The following NECTIN1 variants were observed in gnomAD, a reference collection of about 807,000 sequenced individuals.
NECTIN1 encodes the protein nectin-1.
Under a neutral mutation model 48.0 loss-of-function variants are expected in NECTIN1, and 23 were observed. That is an observed-to-expected ratio of 0.48 (90% CI 0.34 to 0.68). The LOEUF (loss-of-function observed/expected upper bound fraction) is 0.68, where lower values mean the gene tolerates loss of function less well. NECTIN1 is among the 30% of genes least tolerant of loss of function. NECTIN1 has a pLI of 0.01. For missense variants in NECTIN1, 591 were observed against 709.9 expected, an observed-to-expected ratio of 0.83 and a Z score of 1.90; for synonymous variants, 270 against 288.9, an observed-to-expected ratio of 0.93 and a Z score of 0.66.
At chr11:119,648,732 TC>T (rs1245192025) in intron 5 of NECTIN1, among the ~76,000 whole-genome samples, 1 of 151,382 alleles carries the variant, frequency 6.6e-6, no homozygotes, top group Non-Finnish European at 1.5e-5. Flanking sequence ...GTGTCTGGGG[TC>T]TTTGTCAGGT....
rs1864884638 is a variant in NECTIN1 at position 119,672,982 on chromosome 11, CT to C, written c.1003+2176del. ...CCTGCCCCAGTCACTCCTCATTTCC[CT>C]TTCCAGATGTGCCCAGGGTAAAGTT... On this transcript the variant is annotated intron_variant, in intron 5 of 5. Coordinates refer to ENST00000264025, the MANE Select transcript of NECTIN1 (RefSeq NM_002855.5). The surrounding 1 kb of genome is among the most constrained non-coding windows in gnomAD (Gnocchi z 4.3). 6.6e-6 allele frequency among the ~76,000 whole-genome samples: 1 copy of C among 152,234 alleles called. No individual in the cohort carries two copies. The highest frequency in any genetic ancestry group is 1.5e-5 in the Non-Finnish European group (1 of 68,042).
At chr11:119,655,054 C>T (rs756519823) in intron 5 of NECTIN1, among the ~76,000 whole-genome samples, 7 of 151,806 alleles carry the variant, frequency 4.6e-5, no homozygotes, top group African/African-American at 1.7e-4. Context: ...GGATTACAGG[C>T]ACCCACCACC....
intron 1 of NECTIN1, among the ~76,000 whole-genome samples, chr11:119,691,483 G>A (rs1338697494): frequency 1.3e-5 from 2 of 152,250 alleles, no homozygotes; most frequent in East Asian, 3.8e-4. Flanking sequence ...TGCTCTGCGG[G>A]TGGTCTGCCT....
intron 5 of NECTIN1, among the ~76,000 whole-genome samples, chr11:119,650,256 G>A (rs961806265): frequency 6.6e-6 from 1 of 152,178 alleles, no homozygotes; most frequent in African/African-American, 2.4e-5. Context: ...ATGTGTACGT[G>A]CAGGTCACAG....
chr11:119,717,065 A>T (rs1865754844), intron 1 of NECTIN1, among the ~76,000 whole-genome samples: 1 of 152,242 alleles, frequency 6.6e-6, no homozygotes, highest in African/African-American at 2.4e-5. Flanking sequence ...GGTAATGGGG[A>T]TATTTCCTGG....
chr11:119,672,032 T>C lies in NECTIN1; in HGVS notation c.1003+3127A>G, dbSNP rs994435972. Among the ~76,000 whole-genome samples the C allele has an allele frequency of 3.9e-5, 6 of 152,226 alleles. No homozygotes were observed. Among genetic ancestry groups the C allele is most frequent in the Non-Finnish European group, 8.8e-5 (6 of 68,032 alleles). On this transcript the variant is annotated intron_variant, in intron 5 of 5. Transcript: ENST00000264025. This position sits in a 1 kb window ranked among gnomAD's most constrained non-coding sequence, Gnocchi z 4.3. ...GCATGCACACTTGCAGGCTCACACC[T>C]GCCTCCCTTCCAGGACACTGGCCTT...
chr11:119,667,077 C>G (rs1403071416), intron 5 of NECTIN1, among the ~76,000 whole-genome samples: 1 of 152,184 alleles, frequency 6.6e-6, no homozygotes, highest in Non-Finnish European at 1.5e-5. Flanking sequence ...CTGCCCAGTA[C>G]ATATCCATGG....
intron 5 of NECTIN1, chr11:119,640,141 C>T: frequency 2.9e-6 from 3 of 1,025,580 alleles, no homozygotes. Context: ...AGCTCCCCTC[C>T]CCATGGTGCT....
At chr11:119,720,930 G>GTGAAA (rs1865818610) in intron 1 of NECTIN1, among the ~76,000 whole-genome samples, 2 of 152,166 alleles carry the variant, frequency 1.3e-5, no homozygotes, top group African/African-American at 4.8e-5. Flanking sequence ...GTAGTGGCTG[G>GTGAAA]CTCTTTCAGC....
At chr11:119,649,652 C>T (rs140760849) in intron 5 of NECTIN1, among the ~76,000 whole-genome samples, 2,813 of 151,854 alleles carry the variant, frequency 0.019, 88 homozygotes, top group East Asian at 0.057. Flanking sequence ...ATCGCACCAC[C>T]GCACTCCAGC....
intron 1 of NECTIN1, among the ~76,000 whole-genome samples, chr11:119,718,263 G>A (rs779769434): frequency 2.6e-5 from 4 of 152,124 alleles, no homozygotes; most frequent in Non-Finnish European, 5.9e-5. Flanking sequence ...TTCTGCCCCC[G>A]TGATCTTCTT....
intron 5 of NECTIN1, chr11:119,642,587 T>C (rs1458346932): frequency 6.5e-6 from 1 of 153,654 alleles, no homozygotes; most frequent in Non-Finnish European, 1.5e-5. Context: ...GGGTGGCAGC[T>C]GTCTCTATAA....
intron 6 of NECTIN1, chr11:119,639,851 C>A (rs761699695): frequency 6.2e-7 from 1 of 1,614,040 alleles, no homozygotes; most frequent in Non-Finnish European, 8.5e-7. Context: ...TGGGCAGAGT[C>A]CTGCCTGGCT....
chr11:119,687,853 C>A (rs1479907349), intron 1 of NECTIN1, among the ~76,000 whole-genome samples: 1 of 152,234 alleles, frequency 6.6e-6, no homozygotes, highest in Non-Finnish European at 1.5e-5. Flanking sequence ...TCCCGATGCC[C>A]TGTCCAGCTA....
At chr11:119,721,410 C>T (rs1865828099) in intron 1 of NECTIN1, among the ~76,000 whole-genome samples, 1 of 152,254 alleles carries the variant, frequency 6.6e-6, no homozygotes, top group Non-Finnish European at 1.5e-5. Context: ...GTGCCCAAGG[C>T]CACTGGCCTG....
At chr11:119,707,368 C>A (rs1312281672) in intron 1 of NECTIN1, among the ~76,000 whole-genome samples, 1 of 152,162 alleles carries the variant, frequency 6.6e-6, no homozygotes, top group Non-Finnish European at 1.5e-5. Context: ...TACCCTGTAC[C>A]CACCACTCCC....
chr11:119,663,917 A>G lies in NECTIN1; in HGVS notation c.*830T>C. The G allele has an allele frequency of 3.0e-6, 3 of 986,570 alleles. No individual in the cohort carries two copies. Among genetic ancestry groups the G allele is most frequent in the Non-Finnish European group, 3.6e-6 (3 of 830,806 alleles). 61.1% of individuals were successfully genotyped at this position (986,570 alleles called of 1,614,324 possible). ...TGGATGGGGCAGGGCATGGGACTCC[A>G]GGGGAAAGCAGGCAGAGAGGAGCAG... On this transcript the variant is annotated 3_prime_UTR_variant, in exon 6 of 6. Transcript: ENST00000264025.
intron 5 of NECTIN1, among the ~76,000 whole-genome samples, chr11:119,643,995 G>T (rs1331428925): frequency 6.6e-6 from 1 of 152,226 alleles, no homozygotes; most frequent in East Asian, 1.9e-4. Context: ...GCCACAGCTG[G>T]ACTTGGGTCC....
At position 119,685,859 on chromosome 11, in the gene NECTIN1, T is replaced by C. The variant is rs548785404; in HGVS notation, c.80-7094A>G. ...CATTGTTTTTCTGTATGGCCTTGGA[T>C]AGGGTGGTTTCCTTTGCTGTAAAAT... is the stretch of plus-strand genomic sequence containing the variant. On this transcript the variant is annotated intron_variant, in intron 1 of 5. Coordinates refer to ENST00000264025, the MANE Select transcript of NECTIN1 (RefSeq NM_002855.5). Among the ~76,000 whole-genome samples the C allele has an allele frequency of 2.4e-4, 37 of 152,348 alleles. No individual in the cohort carries two copies. The South Asian group carries it at 6.8e-3, about 28-fold the overall frequency.
Sources: allele counts gnomAD v4.1 joint callset (sites outside exome capture counted in the v4.1 genomes callset), GRCh38; gene constraint gnomAD v4.1.1; non-coding constraint Gnocchi (gnomAD v3.1); transcripts MANE v1.5; gene names NCBI Gene and HGNC (gene_info 2026-07-23, HGNC 2026-07-21).